The following SHTN1 variants were observed in gnomAD, a reference collection of about 807,000 sequenced individuals.
The protein encoded by SHTN1 is shootin-1.
Under a neutral mutation model 83.1 loss-of-function variants are expected in SHTN1, and 42 were observed. That is an observed-to-expected ratio of 0.51 (90% CI 0.39 to 0.65). The LOEUF is 0.65. Ranked by LOEUF, SHTN1 falls within the 30% of genes least tolerant of loss-of-function variation. The probability of loss-of-function intolerance (pLI) is 0.00; values close to 1 mark genes in which losing one functional copy is unlikely to be tolerated. For synonymous variants in SHTN1, 224 were observed against 247.7 expected, an observed-to-expected ratio of 0.90 and a Z score of 0.90; for missense variants, 622 against 737.8, an observed-to-expected ratio of 0.84 and a Z score of 1.82.
At position 116,978,494 on chromosome 10, in the gene SHTN1, G is replaced by A. The variant is rs1035565716; in HGVS notation, c.111+762C>T. Among the ~76,000 whole-genome samples the A allele has an allele frequency of 1.2e-4, 18 of 151,872 alleles. No homozygotes were observed. In the East Asian group the frequency reaches 1.7e-3, roughly 15 times the overall value. ...GTAAATTTTTTTTATATCTAAAACC[G>A]AAAATAGGCAGTCTGCTTTCTTTCC... On this transcript the variant is annotated intron_variant, in intron 2 of 16. Transcript: ENST00000355371.
At chr10:116,931,443 T>G (rs933516376) in intron 9 of SHTN1, among the ~76,000 whole-genome samples, 2 of 152,098 alleles carry the variant, frequency 1.3e-5, no homozygotes, top group Non-Finnish European at 2.9e-5. Flanking sequence ...GAGACAGGGT[T>G]TCACCACATT....
intron 2 of SHTN1, among the ~76,000 whole-genome samples, chr10:117,014,890 C>A (rs1852159971): frequency 6.6e-6 from 1 of 152,070 alleles, no homozygotes; most frequent in Non-Finnish European, 1.5e-5. Context: ...TTTTAAAACA[C>A]CTAAAGTTTG....
intron 15 of SHTN1, among the ~76,000 whole-genome samples, chr10:116,904,708 T>G (rs961422054): frequency 6.6e-6 from 1 of 152,234 alleles, no homozygotes; most frequent in Non-Finnish European, 1.5e-5. Flanking sequence ...CTCTGAATTA[T>G]TCAAATTTCT....
At chr10:117,049,262 C>T (rs1852708786) in intron 1 of SHTN1, among the ~76,000 whole-genome samples, 2 of 152,042 alleles carry the variant, frequency 1.3e-5, no homozygotes, top group African/African-American at 4.8e-5. Flanking sequence ...ACTGGAATAG[C>T]CTGTAGAGTG....
intron 1 of SHTN1, among the ~76,000 whole-genome samples, chr10:117,109,479 G>A (rs1391047541): frequency 6.6e-6 from 1 of 150,716 alleles, no homozygotes; most frequent in Admixed American, 6.6e-5. Context: ...CTCTGAGTTG[G>A]GAGATTGTTA....
At chr10:117,103,528 CTCTTTTTTTTTTTTTT>C (rs1589933688) in intron 1 of SHTN1, among the ~76,000 whole-genome samples, 2 of 117,186 alleles carry the variant, frequency 1.7e-5, no homozygotes, top group African/African-American at 6.5e-5. Flanking sequence ...CCCCTCCCCT[CTCTTTTTTTTTTTTTT>C]TTTTTTTTTT....
intron 6 of SHTN1, 33 bp downstream of exon 6, chr10:116,951,876 A>G: frequency 1.6e-6 from 2 of 1,260,788 alleles, no homozygotes; most frequent in African/African-American, 1.5e-5. Flanking sequence ...TGAAAATGCT[A>G]AAGCCCTTGC....
intron 2 of SHTN1, among the ~76,000 whole-genome samples, chr10:116,972,806 G>C (rs991137766): frequency 2.0e-5 from 3 of 152,190 alleles, no homozygotes; most frequent in African/African-American, 7.2e-5. Flanking sequence ...GCTGGCTCAT[G>C]TAAGCAAGCT....
At chr10:116,948,363 A>G (rs1849661165) in intron 7 of SHTN1, among the ~76,000 whole-genome samples, 1 of 152,160 alleles carries the variant, frequency 6.6e-6, no homozygotes, top group African/African-American at 2.4e-5. Context: ...CATTTAAATG[A>G]TCATCAATCT....
intron 1 of SHTN1, among the ~76,000 whole-genome samples, chr10:117,087,209 T>C (rs1853364085): frequency 6.6e-6 from 1 of 152,240 alleles, no homozygotes. Context: ...GTGATAATTA[T>C]ACAACATTAT....
At chr10:117,024,348 CTTT>C (rs1174576153) in intron 2 of SHTN1, among the ~76,000 whole-genome samples, 15,836 of 76,542 alleles carry the variant, frequency 0.21, 659 homozygotes, top group East Asian at 0.39. Context: ...CAAAACTTTT[CTTT>C]TTTTTTTTTT....
At chr10:117,115,557 G>A (rs1853833767) in intron 1 of SHTN1, among the ~76,000 whole-genome samples, 1 of 152,108 alleles carries the variant, frequency 6.6e-6, no homozygotes, top group South Asian at 2.1e-4. Context: ...TCTAGTGATG[G>A]AGGATCTCTC....
chr10:116,884,337 G>A lies in SHTN1; in HGVS notation c.*2007C>T. The A allele has an allele frequency of 2.3e-6, 1 of 441,518 alleles. No individual in the cohort carries two copies. Among genetic ancestry groups the A allele is most frequent in the South Asian group, 1.6e-5 (1 of 63,506 alleles). 27.4% of individuals were successfully genotyped at this position (441,518 alleles called of 1,614,324 possible). On this transcript the variant is annotated 3_prime_UTR_variant, in exon 17 of 17. Transcript: ENST00000355371. ...AAACTGTAGGCAGAAAAAGGTGAGTGAATATCTTCCATCAAATACCTTCAT... is the reference window on the plus strand; with the variant it reads ...AAACTGTAGGCAGAAAAAGGTGAGTAAATATCTTCCATCAAATACCTTCAT...
chr10:117,099,164 G>C (rs1253613137), intron 1 of SHTN1, among the ~76,000 whole-genome samples: 1 of 152,060 alleles, frequency 6.6e-6, no homozygotes, highest in Non-Finnish European at 1.5e-5. Context: ...TTATAAGTGG[G>C]AGCTAAGCTA....
intron 1 of SHTN1, among the ~76,000 whole-genome samples, chr10:117,065,083 A>G (rs532682804): frequency 6.6e-6 from 1 of 152,244 alleles, no homozygotes; most frequent in African/African-American, 2.4e-5. Flanking sequence ...ACATGTTCTC[A>G]CTCATAAGTG....
intron 2 of SHTN1, among the ~76,000 whole-genome samples, chr10:117,013,014 A>C (rs1852132035): frequency 6.6e-6 from 1 of 152,130 alleles, no homozygotes; most frequent in African/African-American, 2.4e-5. Flanking sequence ...CTAGAAGTTT[A>C]AGGCTGCAGT....
intron 1 of SHTN1, among the ~76,000 whole-genome samples, chr10:117,002,738 G>C (rs528593798): frequency 3.9e-5 from 6 of 152,234 alleles, no homozygotes; most frequent in African/African-American, 1.4e-4. Context: ...CAAACTACCT[G>C]GTTTTGAAAT....
At chr10:117,047,382 T>TA (rs200699334) in intron 2 of SHTN1, among the ~76,000 whole-genome samples, 35,631 of 151,866 alleles carry the variant, frequency 0.23, 4,939 homozygotes, top group East Asian at 0.46. Context: ...ATATTTTTTT[T>TA]TAAAAATAAT....
rs763733545 is a variant in SHTN1 at position 116,881,533 on chromosome 10, CTTTT to C, written c.*4807_*4810del. 2 of 1,543,034 alleles carry C rather than the reference CTTTT, an allele frequency of 1.3e-6. No homozygotes were observed. Reference sequence around the variant, plus strand: ...TAAATAGGTTTCAAAGAAGAACACACTTTTTTTTACTTTAATGAGGAAGCTGAAA... The same window carrying C: ...TAAATAGGTTTCAAAGAAGAACACACTTTTACTTTAATGAGGAAGCTGAAA... On this transcript the variant is annotated 3_prime_UTR_variant, in exon 17 of 17. Transcript: ENST00000355371.
Sources: gnomAD v4.1 joint callset for allele counts (sites outside exome capture counted in the v4.1 genomes callset) on GRCh38, gnomAD v4.1.1 for gene constraint, MANE v1.5 for transcripts, NCBI Gene and HGNC (gene_info 2026-07-23, HGNC 2026-07-21) for gene names.